P2RX1: variants seen among roughly 807,000 people sequenced by gnomAD.
P2RX1 encodes the protein purinergic receptor P2X 1.
In P2RX1, 42 loss-of-function variants were observed where a neutral mutation model predicts 50.3. That is an observed-to-expected ratio of 0.83 (90% CI 0.65 to 1.08). The LOEUF is 1.08. Ranked by LOEUF, P2RX1 falls within the 50% of genes least tolerant of loss-of-function variation. The pLI, the probability that P2RX1 is intolerant of heterozygous loss-of-function variation, is 0.00. For synonymous variants in P2RX1, 199 were observed against 202.6 expected, an observed-to-expected ratio of 0.98 and a Z score of 0.15; for missense variants, 449 against 529.0, an observed-to-expected ratio of 0.85 and a Z score of 1.48.
Position 3,903,359 on chromosome 17 carries a change from G to A in P2RX1, c.606-16C>T, listed in dbSNP as rs2056189779. 6.2e-7 allele frequency: 1 copy of A among 1,613,972 alleles called. No homozygotes were observed. The highest frequency in any genetic ancestry group is 8.5e-7 in the Non-Finnish European group (1 of 1,180,028). ...CAGGTTGCGCCTGTGGGGGTGGAAG[G>A]TGTTGACAGCTGCTGTGTGTCATCC... On this transcript the variant is annotated splice_polypyrimidine_tract_variant and intron_variant, in intron 6 of 11. Coordinates refer to ENST00000225538, the MANE Select transcript of P2RX1 (RefSeq NM_002558.4). The surrounding 1 kb of genome is among the most constrained non-coding windows in gnomAD (Gnocchi z 4.6).
chr17:3,911,931 C>T (rs2056372399), intron 1 of P2RX1, among the ~76,000 whole-genome samples: 1 of 152,192 alleles, frequency 6.6e-6, no homozygotes. Context: ...GGGCACGGGA[C>T]CCGACCCCGG....
At position 3,903,973 on chromosome 17, in the gene P2RX1, T is replaced by C. The variant is rs1291996773; in HGVS notation, c.479A>G (p.Glu160Gly). Residue 160 changes from glutamate to glycine, a missense_variant, in exon 5 of 12, where the codon GAG becomes GGG. By Grantham distance (98) the Glu-to-Gly change is moderately conservative (BLOSUM62 -2). Transcript: ENST00000225538. This position sits in a 1 kb window ranked among gnomAD's most constrained non-coding sequence, Gnocchi z 4.6. The stretch of plus-strand genomic sequence containing the variant: ...CTCCACGGGGCACCAGCCAAAGATC[T>C]CACACGTCTTCACAGTGTCGTTGAA... Reference protein sequence around the residue: ...VAFNDTVKTCEIFGWCPVEVD... With the variant: ...VAFNDTVKTCGIFGWCPVEVD... The C allele has an allele frequency of 6.2e-7, 1 of 1,613,978 alleles. No homozygotes were observed. The highest frequency in any genetic ancestry group is 8.5e-7 in the Non-Finnish European group (1 of 1,180,006).
chr17:3,900,998 G>A (rs982545757), intron 7 of P2RX1, among the ~76,000 whole-genome samples: 3 of 152,230 alleles, frequency 2.0e-5, no homozygotes, highest in Non-Finnish European at 2.9e-5. Flanking sequence ...CAGAGAAGGG[G>A]ACAGGGAGCT....
chr17:3,902,499 C>T lies in P2RX1; in HGVS notation c.747+703G>A, dbSNP rs145626864. 5.2e-3 allele frequency among the ~76,000 whole-genome samples: 785 copies of T among 152,028 alleles called. 10 individuals are homozygous for T. The highest frequency in any genetic ancestry group is 0.018 in the African/African-American group (748 of 41,462). ...TTAGTAGACACGGGGTTTCACCATACTGGTCAGGCTGGTCTCGAACTCCTG... is the reference window on the plus strand; with the variant it reads ...TTAGTAGACACGGGGTTTCACCATATTGGTCAGGCTGGTCTCGAACTCCTG... On this transcript the variant is annotated intron_variant, in intron 7 of 11. Coordinates refer to ENST00000225538, the MANE Select transcript of P2RX1 (RefSeq NM_002558.4).
At chr17:3,904,129 C>A (rs2056210699) in intron 4 of P2RX1, 105 bp from the exon 5 acceptor site, 2 of 1,090,576 alleles carry the variant, frequency 1.8e-6, no homozygotes, top group East Asian at 4.9e-5. Context: ...GCAAAGGAGC[C>A]AAGGACAGAA....
intron 1 of P2RX1, among the ~76,000 whole-genome samples, chr17:3,911,630 A>G (rs189677626): frequency 1.8e-4 from 27 of 151,320 alleles, no homozygotes; most frequent in Admixed American, 6.6e-4. Context: ...CCCCTGCTAG[A>G]CATCCTGTCT....
intron 1 of P2RX1, among the ~76,000 whole-genome samples, chr17:3,913,926 A>C (rs2056406381): frequency 6.6e-6 from 1 of 152,204 alleles, no homozygotes; most frequent in South Asian, 2.1e-4. Context: ...CGGAGATGCC[A>C]AGACCAAGTC....
intron 1 of P2RX1, among the ~76,000 whole-genome samples, chr17:3,911,919 G>C (rs1043780803): frequency 6.6e-6 from 1 of 152,218 alleles, no homozygotes; most frequent in African/African-American, 2.4e-5. Flanking sequence ...TGGTTCTGGG[G>C]TGGGCACGGG....
intron 1 of P2RX1, among the ~76,000 whole-genome samples, chr17:3,909,970 CTTTTTTT>C (rs751349796): frequency 2.8e-5 from 3 of 107,420 alleles, no homozygotes; most frequent in African/African-American, 9.9e-5. Flanking sequence ...CTGATAAATT[CTTTTTTT>C]TTTTTTTTTT....
Position 3,902,925 on chromosome 17 carries a change from G to GTTTTTTTTTTT in P2RX1, c.747+266_747+276dup, listed in dbSNP as rs555049705. Among the ~76,000 whole-genome samples the GTTTTTTTTTTT allele has an allele frequency of 7.6e-3, 1,094 of 143,080 alleles. 21 individuals are homozygous for GTTTTTTTTTTT. The highest frequency in any genetic ancestry group is 0.026 in the African/African-American group (994 of 38,270). The allele number at this position is 143,080 out of a possible 152,430, so 93.9% of individuals were successfully genotyped here. A position where few individuals can be genotyped will look rare whatever the true frequency, so the allele number is the denominator to read the frequency against. ...CACCTGACCAAGCTGCTTTTATCTA[G>GTTTTTTTTTTT]TTTTTTTTTTTTTTTAAAGCAGGGC... On this transcript the variant is annotated intron_variant, in intron 7 of 11. Coordinates refer to ENST00000225538, the MANE Select transcript of P2RX1 (RefSeq NM_002558.4).
rs146709138 is a variant in P2RX1, at chr17:3,903,558, C to A, written c.598G>T (p.Val200Phe). Residue 200 changes from valine to phenylalanine, a missense_variant, in exon 6 of 12, where the codon GTC becomes TTC. Coordinates refer to ENST00000225538, the MANE Select transcript of P2RX1 (RefSeq NM_002558.4). This position sits in a 1 kb window ranked among gnomAD's most constrained non-coding sequence, Gnocchi z 4.6. Reference sequence around the variant, plus strand: ...CCCGAATTTCCCACGCACCTGTTGACCTTGAAGCGTGGAAAGCTGATGCTG... The same window carrying A: ...CCCGAATTTCCCACGCACCTGTTGAACTTGAAGCGTGGAAAGCTGATGCTG... ...KNSISFPRFK[V>F]NRRNLVEEVN... is the part of the protein sequence containing the mutation. The A allele has an allele frequency of 7.4e-6, 12 of 1,614,174 alleles. No individual in the cohort carries two copies. The highest frequency in any genetic ancestry group is 1.0e-5 in the Non-Finnish European group (12 of 1,180,002).
At chr17:3,898,355 G>T in intron 10 of P2RX1, 129 bp downstream of exon 10, 1 of 812,084 alleles carries the variant, frequency 1.2e-6, no homozygotes. Context: ...GGTGGGGTGG[G>T]CAGCTGCTGG....
chr17:3,905,028 C>A, intron 2 of P2RX1, 99 bp from the exon 3 acceptor site: 2 of 1,128,656 alleles, frequency 1.8e-6, no homozygotes, highest in Non-Finnish European at 2.6e-6. Flanking sequence ...CTAGAGCCCA[C>A]AGGACACGCA....
intron 7 of P2RX1, among the ~76,000 whole-genome samples, chr17:3,900,133 G>C (rs1421981457): frequency 6.7e-6 from 1 of 148,260 alleles, no homozygotes; most frequent in Admixed American, 6.8e-5. Flanking sequence ...CCATCTCACA[G>C]CTGGTACACG....
chr17:3,909,970 C>CTTTT (rs751349796), intron 1 of P2RX1, among the ~76,000 whole-genome samples: 42 of 107,408 alleles, frequency 3.9e-4, no homozygotes, highest in East Asian at 6.0e-4. Context: ...CTGATAAATT[C>CTTTT]TTTTTTTTTT....
In P2RX1 at chr17:3,903,161, C is replaced by G; in HGVS notation, c.747+41G>C. ...CTAAAAAGCCTTTATCAGGATCCTG[C>G]GGCCCAGCCCTCCCCACGTGCCTGG... On this transcript the variant is annotated intron_variant, in intron 7 of 11. Coordinates refer to ENST00000225538, the MANE Select transcript of P2RX1 (RefSeq NM_002558.4). This position sits in a 1 kb window ranked among gnomAD's most constrained non-coding sequence, Gnocchi z 4.6. The G allele has an allele frequency of 3.1e-6, 5 of 1,612,846 alleles. No homozygotes were observed. Among genetic ancestry groups the G allele is most frequent in the Non-Finnish European group, 4.2e-6 (5 of 1,179,626 alleles).
rs1962600900 is a variant in P2RX1 at position 3,903,078 on chromosome 17, G to T, written c.747+124C>A. The T allele has an allele frequency of 1.5e-6, 2 of 1,365,078 alleles. No individual in the cohort carries two copies. The highest frequency in any genetic ancestry group is 2.0e-6 in the Non-Finnish European group (2 of 985,264). 84.6% of individuals were successfully genotyped at this position (1,365,078 alleles called of 1,614,324 possible). A position where few individuals can be genotyped will look rare whatever the true frequency, so the allele number is the denominator to read the frequency against. ...CGCTCAGGGGGCCCCAGTATCAGGG[G>T]ACAGACCCATACATATACTCAGCCC... On this transcript the variant is annotated intron_variant, in intron 7 of 11. Coordinates refer to ENST00000225538, the MANE Select transcript of P2RX1 (RefSeq NM_002558.4). The surrounding 1 kb of genome is among the most constrained non-coding windows in gnomAD (Gnocchi z 4.6).
chr17:3,906,289 G>A (rs549669373), intron 1 of P2RX1, among the ~76,000 whole-genome samples: 4 of 152,170 alleles, frequency 2.6e-5, no homozygotes, highest in East Asian at 1.9e-4. Flanking sequence ...GCACCACCAC[G>A]CCCAGCTAAT....
intron 1 of P2RX1, among the ~76,000 whole-genome samples, chr17:3,911,311 C>CTTTCT (rs1555549301): frequency 2.0e-5 from 3 of 151,346 alleles, no homozygotes; most frequent in African/African-American, 4.9e-5. Flanking sequence ...TTCTTTCTTT[C>CTTTCT]TTTTTTTTTG....
Sources: gnomAD v4.1 joint callset for allele counts (sites outside exome capture counted in the v4.1 genomes callset) on GRCh38, gnomAD v4.1.1 for gene constraint, Gnocchi (gnomAD v3.1) non-coding constraint, MANE v1.5 for transcripts, NCBI Gene and HGNC (gene_info 2026-07-23, HGNC 2026-07-21) for gene names.